The following ZSWIM5 variants were observed in gnomAD, a reference collection of about 807,000 sequenced individuals.
The protein encoded by ZSWIM5 is zinc finger SWIM domain-containing protein 5.
Under a neutral mutation model 119.6 loss-of-function variants are expected in ZSWIM5, and 55 were observed. The observed-to-expected ratio is 0.46, with a 90% CI of 0.37 to 0.58. The LOEUF is 0.58. Among genes scored for constraint, ZSWIM5 ranks in the 20% least tolerant of loss-of-function variants. ZSWIM5 has a pLI of 0.00. For synonymous variants in ZSWIM5, 537 were observed against 606.9 expected (o/e 0.88, Z 1.69); for missense variants, 1,193 against 1,512.8 (o/e 0.79, Z 3.51).
intron 3 of ZSWIM5, among the ~76,000 whole-genome samples, 200 bp downstream of exon 3, chr1:45,059,899 G>T (rs1645142940): frequency 6.6e-6 from 1 of 152,108 alleles, no homozygotes; most frequent in Admixed American, 6.6e-5. Context: ...GAAGGAACAG[G>T]ACTACCAGGT....
At chr1:45,028,180 T>A (rs929751924) in intron 11 of ZSWIM5, among the ~76,000 whole-genome samples, 4 of 152,254 alleles carry the variant, frequency 2.6e-5, no homozygotes, top group Non-Finnish European at 5.9e-5. Flanking sequence ...TAATGTTCTT[T>A]GATGCACAAA....
chr1:45,104,121 C>T (rs1230674586), intron 1 of ZSWIM5, among the ~76,000 whole-genome samples: 1 of 152,210 alleles, frequency 6.6e-6, no homozygotes, highest in Non-Finnish European at 1.5e-5. Context: ...ATTAGACCTT[C>T]TCACTTAATT....
At chr1:45,086,113 CA>C (rs1268396277) in intron 2 of ZSWIM5, among the ~76,000 whole-genome samples, 1 of 152,104 alleles carries the variant, frequency 6.6e-6, no homozygotes, top group Non-Finnish European at 1.5e-5. Flanking sequence ...TGGTGGAAGG[CA>C]AAAGGGAAGC....
At chr1:45,027,011 C>CG (rs1644924354) in intron 11 of ZSWIM5, among the ~76,000 whole-genome samples, 1 of 151,062 alleles carries the variant, frequency 6.6e-6, no homozygotes, top group African/African-American at 2.4e-5. Flanking sequence ...TAGAGTTGTT[C>CG]AAATTTTTTT....
At chr1:45,021,502 G>A (rs1270657354) in intron 11 of ZSWIM5, among the ~76,000 whole-genome samples, 1 of 152,186 alleles carries the variant, frequency 6.6e-6, no homozygotes, top group Non-Finnish European at 1.5e-5. Context: ...AAGAGTTAAG[G>A]AATATAACAT....
intron 2 of ZSWIM5, among the ~76,000 whole-genome samples, chr1:45,080,038 C>T (rs1032176842): frequency 6.6e-6 from 1 of 152,164 alleles, no homozygotes; most frequent in Non-Finnish European, 1.5e-5. Flanking sequence ...CTCCTCTCCT[C>T]GAGCAAAGGG....
At chr1:45,061,675 T>C (rs892292833) in intron 2 of ZSWIM5, among the ~76,000 whole-genome samples, 6 of 151,180 alleles carry the variant, frequency 4.0e-5, no homozygotes, top group Non-Finnish European at 8.8e-5. Context: ...CCACCCAGCC[T>C]GACCTATGTA....
chr1:45,165,073 A>T (rs983522034), intron 1 of ZSWIM5, among the ~76,000 whole-genome samples: 7 of 151,972 alleles, frequency 4.6e-5, no homozygotes, highest in Non-Finnish European at 7.4e-5. Flanking sequence ...GAAGTAAAGC[A>T]CTCCTCAGCA....
chr1:45,055,477 CA>C (rs1645116630), intron 4 of ZSWIM5, among the ~76,000 whole-genome samples: 1 of 152,084 alleles, frequency 6.6e-6, no homozygotes, highest in African/African-American at 2.4e-5. Flanking sequence ...ATGGCGACAA[CA>C]AGGGGAAAAC....
chr1:45,147,626 TA>T (rs1434342074), intron 1 of ZSWIM5, among the ~76,000 whole-genome samples: 2 of 136,484 alleles, frequency 1.5e-5, no homozygotes, highest in Non-Finnish European at 1.6e-5. Context: ...GTTGGACATA[TA>T]TAATATGGAA....
At chr1:45,066,605 A>C (rs1645185372) in intron 2 of ZSWIM5, among the ~76,000 whole-genome samples, 1 of 152,180 alleles carries the variant, frequency 6.6e-6, no homozygotes, top group Non-Finnish European at 1.5e-5. Flanking sequence ...GGGAGGGAGG[A>C]TAGAAATAGT....
Position 45,205,889 on chromosome 1 carries a change from C to A in ZSWIM5, c.462G>T (p.Gly154=). ...CGGGGGATGCCCCAGCCGCGACGCC[C>A]CCGGGGGCGGAGCCGGCCGGAGCGG... is the stretch of plus-strand genomic sequence containing the variant. The part of the protein sequence containing the change: ...GAAAPAGSAP[G]GVAAGASPGL... The change falls in exon 1 of 14, where the codon GGG becomes GGT. Residue 154 remains glycine (G), a synonymous_variant. Coordinates refer to ENST00000359600, the MANE Select transcript of ZSWIM5 (RefSeq NM_020883.2). 9.2e-7 allele frequency: 1 copy of A among 1,092,780 alleles called. No homozygotes were observed. The highest frequency in any genetic ancestry group is 1.1e-6 in the Non-Finnish European group (1 of 904,038). The allele number at this position is 1,092,780 out of a possible 1,614,324, so 67.7% of individuals were successfully genotyped here.
rs148680725 is a variant in ZSWIM5 at position 45,162,298 on chromosome 1, C to T, written c.595+43458G>A. 9.9e-3 allele frequency among the ~76,000 whole-genome samples: 1,510 copies of T among 152,298 alleles called. 30 individuals carry two copies. The highest frequency in any genetic ancestry group is 0.035 in the African/African-American group (1,448 of 41,564). On this transcript the variant is annotated intron_variant, in intron 1 of 13. Transcript: ENST00000359600. Reference sequence around the variant, plus strand: ...CCTGAGGTCAGGAGTTGGAGACCAGCCTGGCCAACATAGTGAAATGCCACC... The same window carrying T: ...CCTGAGGTCAGGAGTTGGAGACCAGTCTGGCCAACATAGTGAAATGCCACC...
intron 1 of ZSWIM5, among the ~76,000 whole-genome samples, chr1:45,188,622 G>A (rs1455504399): frequency 1.3e-5 from 2 of 152,182 alleles, no homozygotes. Flanking sequence ...GATATTAGGT[G>A]GGGAAAACCT....
chr1:45,141,998 T>C (rs185293106), intron 1 of ZSWIM5, among the ~76,000 whole-genome samples: 1 of 152,158 alleles, frequency 6.6e-6, no homozygotes, highest in Non-Finnish European at 1.5e-5. Flanking sequence ...TGTTTGAGCC[T>C]AGCAGTTCTA....
intron 1 of ZSWIM5, among the ~76,000 whole-genome samples, chr1:45,193,558 C>A (rs1320681690): frequency 6.6e-6 from 1 of 151,888 alleles, no homozygotes; most frequent in Admixed American, 6.6e-5. Flanking sequence ...AGAATGAGGA[C>A]TAGAAAAAAG....
intron 1 of ZSWIM5, among the ~76,000 whole-genome samples, chr1:45,195,355 G>A (rs1036707707): frequency 1.3e-5 from 2 of 151,710 alleles, no homozygotes; most frequent in African/African-American, 4.8e-5. Flanking sequence ...TCCCACCTCA[G>A]CACCCCCAAG....
intron 1 of ZSWIM5, among the ~76,000 whole-genome samples, chr1:45,162,721 G>GC (rs150637976): frequency 0.072 from 11,022 of 152,282 alleles, 493 homozygotes; most frequent in Non-Finnish European, 0.1. Flanking sequence ...CTTGCTCACT[G>GC]CCAGCACAGC....
Position 45,036,092 on chromosome 1 carries a change from A to G in ZSWIM5, c.2102T>C (p.Leu701Pro). Residue 701 changes from leucine (L) to proline (P), a missense_variant, in exon 9 of 14, where the codon CTG (leucine) becomes CCG (proline). This residue lies in a region of ZSWIM5 where 961 missense variants were observed against 1,290.0 expected (regional missense o/e 0.74). Coordinates refer to ENST00000359600, the MANE Select transcript of ZSWIM5 (RefSeq NM_020883.2). ...QLLSQLQELQ[L>P]DDELVQTLQK... The stretch of plus-strand genomic sequence containing the variant: ...CAGTGTTTGCACTAGCTCATCGTCC[A>G]GCTGCAGCTCTTGGAGTTGGCTCAG... 1 of 1,614,194 alleles carries G rather than the reference A, an allele frequency of 6.2e-7. No homozygotes were observed. Among genetic ancestry groups the G allele is most frequent in the East Asian group, 2.2e-5 (1 of 44,878 alleles).
Sources: allele counts gnomAD v4.1 joint callset (sites outside exome capture counted in the v4.1 genomes callset), GRCh38; gene constraint gnomAD v4.1.1; regional missense constraint gnomAD v4.1.1; transcripts MANE v1.5; gene names NCBI Gene and HGNC (gene_info 2026-07-23, HGNC 2026-07-21).